Variants in HMGB1 observed in about 807,000 individuals in gnomAD.
HMGB1 encodes high mobility group box 1, also known as high mobility group protein B1.
For synonymous variants in HMGB1, 81 were observed against 84.0 expected (o/e 0.96, Z 0.19); for missense variants, 79 against 253.5 (o/e 0.31, Z 4.67).
intron 1 of HMGB1, among the ~76,000 whole-genome samples, chr13:30,517,159 A>T (rs1888119894): frequency 6.6e-6 from 1 of 152,202 alleles, no homozygotes; most frequent in African/African-American, 2.4e-5. Context: ...AACCTCCTGG[A>T]AGGCTTGGTA....
chr13:30,465,483 C>T (rs1325409753), intron 1 of HMGB1, among the ~76,000 whole-genome samples: 4 of 148,626 alleles, frequency 2.7e-5, no homozygotes, highest in Non-Finnish European at 6.0e-5. Flanking sequence ...AAAACACGTT[C>T]AAAATTTTTT....
At chr13:30,466,296 T>TTC (rs1555232708), upstream of HMGB1, among the ~76,000 whole-genome samples, 1 of 145,552 alleles carries the variant, frequency 6.9e-6, no homozygotes, top group East Asian at 2.0e-4. Flanking sequence ...CCCACAGGTC[T>TTC]CCCCCCCCCT....
intron 1 of HMGB1, among the ~76,000 whole-genome samples, chr13:30,527,836 G>A (rs138129162): frequency 6.6e-6 from 1 of 152,280 alleles, no homozygotes; most frequent in East Asian, 1.9e-4. Flanking sequence ...AAGGTTCAAA[G>A]TCAAACTCTG....
intron 1 of HMGB1, among the ~76,000 whole-genome samples, chr13:30,583,527 CCAA>C (rs1870996057): frequency 1.0e-5 from 1 of 96,190 alleles, no homozygotes. Context: ...GACCTGGTCT[CCAA>C]AAAAAAAAAA....
chr13:30,503,758 T>C (rs1417485467), intron 1 of HMGB1, among the ~76,000 whole-genome samples: 1 of 142,200 alleles, frequency 7.0e-6, no homozygotes, highest in Non-Finnish European at 1.5e-5. Flanking sequence ...AAAACAATAA[T>C]AAAGGTATTG....
intron 1 of HMGB1, among the ~76,000 whole-genome samples, chr13:30,537,697 A>ATATATATAT (rs71093077): frequency 1.9e-3 from 243 of 124,952 alleles, no homozygotes; most frequent in Non-Finnish European, 2.6e-3. Flanking sequence ...ATATATATAT[A>ATATATATAT]AAATTGATGT....
intron 1 of HMGB1, among the ~76,000 whole-genome samples, chr13:30,612,360 C>T (rs2137576673): frequency 6.6e-6 from 1 of 152,252 alleles, no homozygotes; most frequent in African/African-American, 2.4e-5. Flanking sequence ...CGAGCTAAGA[C>T]TCCAAGGATG....
chr13:30,488,916 A>G (rs1887425607), intron 1 of HMGB1, among the ~76,000 whole-genome samples: 1 of 151,982 alleles, frequency 6.6e-6, no homozygotes, highest in African/African-American at 2.4e-5. Flanking sequence ...ATACATATAT[A>G]CATATAATAA....
At chr13:30,535,681 G>A (rs1188512930) in intron 1 of HMGB1, among the ~76,000 whole-genome samples, 2 of 152,216 alleles carry the variant, frequency 1.3e-5, no homozygotes, top group East Asian at 3.9e-4. Context: ...CCTAAGGTCA[G>A]GAGTTCGAAA....
intron 1 of HMGB1, among the ~76,000 whole-genome samples, chr13:30,488,191 C>T (rs1239849137): frequency 2.0e-5 from 3 of 152,270 alleles, no homozygotes; most frequent in East Asian, 1.9e-4. Context: ...GTCATACAAA[C>T]TTCATATACT....
rs760828749 is a variant in HMGB1, at chr13:30,538,451, A to ATTCTTTCTTTCT, written c.-14-74769_-14-74758dup. ...ACCACTGCAGTAACTAGTACTAGCA[A>ATTCTTTCTTTCT]TTCTTTCTTTCTTTCTTTCTTTCTT... On this transcript the variant is annotated intron_variant, in intron 1 of 4. Coordinates refer to the HMGB1 transcript ENST00000405805. Among the ~76,000 whole-genome samples, 475 of 90,628 alleles carry ATTCTTTCTTTCT rather than the reference A, an allele frequency of 5.2e-3. 39 individuals are homozygous for ATTCTTTCTTTCT. The highest frequency in any genetic ancestry group is 0.019 in the African/African-American group (343 of 17,704). The allele number at this position is 90,628 out of a possible 152,430, so 59.5% of individuals were successfully genotyped here.
intron 1 of HMGB1, among the ~76,000 whole-genome samples, chr13:30,592,298 G>A (rs910899014): frequency 1.3e-5 from 2 of 151,802 alleles, no homozygotes; most frequent in African/African-American, 4.8e-5. Context: ...GGCATATTTA[G>A]TTACTGTATT....
In HMGB1 at chr13:30,562,043, C is replaced by T. The variant is rs150886962; in HGVS notation, c.-15+54628G>A. 2.9e-3 allele frequency among the ~76,000 whole-genome samples: 448 copies of T among 152,182 alleles called. 1 individual carries two copies. Among genetic ancestry groups the T allele is most frequent in the African/African-American group, 0.01 (419 of 41,516 alleles). ...ATACAGAAGTTGTGATATACTTGGC[C>T]GGGCGCAGTGGCTCACGCCTGTAAT... On this transcript the variant is annotated intron_variant, in intron 1 of 4. Coordinates refer to the HMGB1 transcript ENST00000405805.
chr13:30,582,636 T>TAA (rs34280376), intron 1 of HMGB1, among the ~76,000 whole-genome samples: 1 of 136,436 alleles, frequency 7.3e-6, no homozygotes, highest in Admixed American at 7.4e-5. Flanking sequence ...AGACTCCATC[T>TAA]AAAAAAAAAA....
At chr13:30,584,198 A>G (rs1199266840) in intron 1 of HMGB1, among the ~76,000 whole-genome samples, 3 of 152,210 alleles carry the variant, frequency 2.0e-5, no homozygotes, top group Non-Finnish European at 4.4e-5. Flanking sequence ...GTCTCTGAAC[A>G]GCTCCTTCCA....
At chr13:30,548,085 C>T (rs1354684100) in intron 1 of HMGB1, among the ~76,000 whole-genome samples, 2 of 152,140 alleles carry the variant, frequency 1.3e-5, no homozygotes, top group Non-Finnish European at 2.9e-5. Context: ...TGATCATAAG[C>T]ACCTGATAGA....
At chr13:30,479,033 G>A (rs1269929450) in intron 1 of HMGB1, among the ~76,000 whole-genome samples, 2 of 151,990 alleles carry the variant, frequency 1.3e-5, no homozygotes, top group Non-Finnish European at 2.9e-5. Flanking sequence ...GAGAAGAAAT[G>A]TGCTACTAGA....
intron 1 of HMGB1, chr13:30,553,900 A>G: frequency 7.3e-7 from 1 of 1,372,342 alleles, no homozygotes. Flanking sequence ...GTTGACATAG[A>G]AGAGGCACGA....
In HMGB1 at chr13:30,510,080, A is replaced by C. The variant is rs182787417; in HGVS notation, c.-14-46386T>G. 5.1e-4 allele frequency among the ~76,000 whole-genome samples: 78 copies of C among 152,298 alleles called. 1 individual carries two copies. Among genetic ancestry groups the C allele is most frequent in the African/African-American group, 1.8e-3 (75 of 41,580 alleles). On this transcript the variant is annotated intron_variant, in intron 1 of 4. Transcript: ENST00000405805. ...AACCCAAATCCCCTGGAACCTGAAC[A>C]ACCACCTGCATCCCGTACTCTTCCT...
Sources: allele counts gnomAD v4.1 joint callset (sites outside exome capture counted in the v4.1 genomes callset), GRCh38; gene constraint gnomAD v4.1.1; transcripts MANE v1.5; gene names NCBI Gene and HGNC (gene_info 2026-07-23, HGNC 2026-07-21).